The following POMGNT1 variants were observed in gnomAD, a reference collection of about 807,000 sequenced individuals.
POMGNT1 encodes the protein protein O-linked-mannose beta-1,2-N-acetylglucosaminyltransferase 1.
Under a neutral mutation model 95.6 loss-of-function variants are expected in POMGNT1, and 67 were observed. The observed-to-expected ratio is 0.70, with a 90% CI of 0.58 to 0.86. POMGNT1 has a LOEUF of 0.86. Among genes scored for constraint, POMGNT1 ranks in the 40% least tolerant of loss-of-function variants. The pLI is 0.00. For synonymous variants in POMGNT1, 298 were observed against 317.9 expected (o/e 0.94, Z 0.66); for missense variants, 719 against 855.2 (o/e 0.84, Z 1.99).
chr1:46,216,620 G>T (rs1659079248), intron 1 of POMGNT1, among the ~76,000 whole-genome samples: 1 of 152,140 alleles, frequency 6.6e-6, no homozygotes. Context: ...GGAATTACAG[G>T]CAAGAGCCAC....
chr1:46,212,964 C>T (rs1410364508), intron 1 of POMGNT1, among the ~76,000 whole-genome samples: 2 of 151,878 alleles, frequency 1.3e-5, no homozygotes, highest in Middle Eastern at 3.2e-3. Context: ...CGGGGTTTCA[C>T]CGTGTTAGCC....
Position 46,194,938 on chromosome 1 carries a change from C to T in POMGNT1, c.558G>A (p.Lys186=). The change falls in exon 7 of 22, where the codon AAG becomes AAA. Residue 186 remains lysine (K), a synonymous_variant. Transcript: ENST00000371984. Reference sequence around the variant, plus strand: ...TCCTCAGCAGAGCCTTGGCTGTGTCCTTGAGGTGGAAGGAGCCCTCATCCT... The same window carrying T: ...TCCTCAGCAGAGCCTTGGCTGTGTCTTTGAGGTGGAAGGAGCCCTCATCCT... ...TVKDEGSFHL[K]DTAKALLRSL... 2 of 1,614,150 alleles carry T rather than the reference C, an allele frequency of 1.2e-6. No individual in the cohort carries two copies. Among genetic ancestry groups the T allele is most frequent in the Non-Finnish European group, 8.5e-7 (1 of 1,180,048 alleles).
chr1:46,211,364 T>C (rs770607163), intron 1 of POMGNT1, among the ~76,000 whole-genome samples: 2 of 151,938 alleles, frequency 1.3e-5, no homozygotes, highest in Non-Finnish European at 2.9e-5. Context: ...AGCCTATTTC[T>C]GAGTGCCCCA....
intron 1 of POMGNT1, among the ~76,000 whole-genome samples, chr1:46,208,735 G>A (rs959605543): frequency 1.3e-5 from 2 of 152,122 alleles, no homozygotes; most frequent in African/African-American, 2.4e-5. Flanking sequence ...CAGCTACTAG[G>A]GAAGCTGAGG....
intron 1 of POMGNT1, 75 bp from the exon 2 acceptor site, chr1:46,197,946 G>C: frequency 7.0e-7 from 1 of 1,432,368 alleles, no homozygotes; most frequent in Non-Finnish European, 9.5e-7. Context: ...GATGAGGGAG[G>C]ACCTCCCAGC....
At chr1:46,192,988 A>C (rs1657903600) in intron 13 of POMGNT1, 30 bp from the exon 14 acceptor site, 1 of 1,613,724 alleles carries the variant, frequency 6.2e-7, no homozygotes, top group South Asian at 1.1e-5. Flanking sequence ...TCATGGTCCC[A>C]AAGGGGTCTC....
In POMGNT1 at chr1:46,192,962, G is replaced by A. The variant is rs1216516973; in HGVS notation, c.1153-4C>T. 1 of 1,614,158 alleles carries A rather than the reference G, an allele frequency of 6.2e-7. No homozygotes were observed. The highest frequency in any genetic ancestry group is 1.7e-5 in the Admixed American group (1 of 60,032). ...GAACCACAGCAAACTTGGCCTCCTA[G>A]AAGGGGAATGGGACATCATGGTCCC... On this transcript the variant is annotated splice_region_variant and splice_polypyrimidine_tract_variant and intron_variant, in intron 13 of 21. Coordinates refer to ENST00000371984, the MANE Select transcript of POMGNT1 (RefSeq NM_017739.4).
chr1:46,220,134 G>C (rs1477375974), exon 1 of POMGNT1: 2 of 1,614,200 alleles, frequency 1.2e-6, no homozygotes, highest in Non-Finnish European at 1.7e-6. Context: ...TGGACCACCT[G>C]AGTCACCAGA....
chr1:46,193,132 T>C, intron 13 of POMGNT1, 42 bp downstream of exon 13: 9 of 1,613,566 alleles, frequency 5.6e-6, no homozygotes, highest in East Asian at 2.2e-5. Flanking sequence ...ATGCCCATGT[T>C]TCCCCCCTCC....
intron 1 of POMGNT1, among the ~76,000 whole-genome samples, chr1:46,211,315 A>G (rs1057085114): frequency 4.6e-5 from 7 of 152,116 alleles, no homozygotes; most frequent in African/African-American, 1.7e-4. Context: ...GGAAGGTGAG[A>G]GGAGAGCAGG....
intron 1 of POMGNT1, among the ~76,000 whole-genome samples, chr1:46,211,016 G>T (rs1321300867): frequency 2.3e-4 from 34 of 150,598 alleles, no homozygotes; most frequent in Non-Finnish European, 5.9e-5. Context: ...CTGGGATCAA[G>T]CGATCCTCCC....
chr1:46,200,521 A>C (rs1658506092), upstream of POMGNT1, among the ~76,000 whole-genome samples: 1 of 152,240 alleles, frequency 6.6e-6, no homozygotes, highest in Non-Finnish European at 1.5e-5. Context: ...CAGTCCAGGT[A>C]TGTCTTGCTC....
intron 19 of POMGNT1, 176 bp downstream of exon 19, chr1:46,190,297 G>T (rs1657661167): frequency 1.2e-6 from 1 of 834,642 alleles, no homozygotes; most frequent in Non-Finnish European, 2.0e-6. Flanking sequence ...ACCCACCTCG[G>T]CCTCCCAAAG....
upstream of POMGNT1, among the ~76,000 whole-genome samples, chr1:46,198,636 T>G (rs999645502): frequency 6.6e-6 from 1 of 152,154 alleles, no homozygotes; most frequent in Admixed American, 6.5e-5. Context: ...CTGGTGGGGC[T>G]GCCTGCACGA....
In POMGNT1 at chr1:46,188,713, A is replaced by G. The variant is rs746012169; in HGVS notation, c.*557T>C. 1.9e-6 allele frequency: 3 copies of G among 1,599,802 alleles called. No homozygotes were observed. The highest frequency in any genetic ancestry group is 1.7e-6 in the Non-Finnish European group (2 of 1,170,928). ...AGGGCTTCTCCTTTTTTAATCAATG[A>G]CCAACTTATCCAGCTTTGGAAATCT... On this transcript the variant is annotated 3_prime_UTR_variant, in exon 22 of 22. Transcript: ENST00000371984.
At chr1:46,206,055 G>A (rs1043839794) in intron 1 of POMGNT1, among the ~76,000 whole-genome samples, 3 of 152,232 alleles carry the variant, frequency 2.0e-5, no homozygotes, top group African/African-American at 7.2e-5. Flanking sequence ...GCCAGACTGG[G>A]ATATGTGGGA....
upstream of POMGNT1, among the ~76,000 whole-genome samples, chr1:46,200,384 G>T (rs567470650): frequency 2.0e-5 from 3 of 151,992 alleles, no homozygotes; most frequent in Non-Finnish European, 4.4e-5. Flanking sequence ...CCCCTCTAAC[G>T]CAACAGCACA....
At position 46,188,910 on chromosome 1, in the gene POMGNT1, G is replaced by C; in HGVS notation, c.*360C>G. 1.9e-6 allele frequency: 3 copies of C among 1,612,794 alleles called. No individual in the cohort carries two copies. The highest frequency in any genetic ancestry group is 1.3e-5 in the African/African-American group (1 of 75,008). On this transcript the variant is annotated 3_prime_UTR_variant, in exon 22 of 22. Transcript: ENST00000371984. ...GCATTCCAGCCCAAAAAGAAATCCA[G>C]GCCCTCCAGGTTCGGCCTGTTTTCA...
intron 8 of POMGNT1, 70 bp from the exon 9 acceptor site, chr1:46,194,471 C>T: frequency 6.2e-7 from 1 of 1,614,084 alleles, no homozygotes; most frequent in Non-Finnish European, 8.5e-7. Flanking sequence ...GGCACACAAT[C>T]AAAGGAATAA....
Sources: gnomAD v4.1 joint callset for allele counts (sites outside exome capture counted in the v4.1 genomes callset) on GRCh38, gnomAD v4.1.1 for gene constraint, MANE v1.5 for transcripts, NCBI Gene and HGNC (gene_info 2026-07-23, HGNC 2026-07-21) for gene names.